Variants in CNTNAP2 observed in about 807,000 individuals in gnomAD.
CNTNAP2 encodes the protein contactin-associated protein-like 2.
In CNTNAP2, 98 loss-of-function variants were observed where a neutral mutation model predicts 155.2. That is an observed-to-expected ratio of 0.63 (90% confidence interval 0.54 to 0.75). The LOEUF (loss-of-function observed/expected upper bound fraction) is 0.75. Ranked by LOEUF, CNTNAP2 falls within the 30% of genes least tolerant of loss-of-function variation. The pLI is 0.00. For synonymous variants in CNTNAP2, 651 were observed against 631.2 expected (o/e 1.03, Z -0.47); for missense variants, 1,727 against 1,688.1 (o/e 1.02, Z -0.40).
At chr7:147,615,807 C>G (rs12667599) in intron 12 of CNTNAP2, among the ~76,000 whole-genome samples, 1 of 151,872 alleles carries the variant, frequency 6.6e-6, no homozygotes, top group African/African-American at 2.4e-5. Flanking sequence ...CCCATACTTT[C>G]GATAAATTCA....
chr7:148,362,301 A>G (rs1052664945), intron 21 of CNTNAP2, among the ~76,000 whole-genome samples: 4 of 152,156 alleles, frequency 2.6e-5, no homozygotes, highest in African/African-American at 4.8e-5. Flanking sequence ...ACGTCCCCCC[A>G]GGTCCCTCCC....
intron 1 of CNTNAP2, among the ~76,000 whole-genome samples, chr7:146,293,336 C>T (rs774107922): frequency 1.3e-5 from 2 of 152,008 alleles, no homozygotes; most frequent in Non-Finnish European, 2.9e-5. Context: ...AGTTTTAGAC[C>T]TGAAACAATT....
intron 21 of CNTNAP2, among the ~76,000 whole-genome samples, chr7:148,268,754 G>A (rs536860135): frequency 2.0e-5 from 3 of 152,140 alleles, no homozygotes; most frequent in Non-Finnish European, 2.9e-5. Flanking sequence ...TTCAATCTTC[G>A]TCACAATTGT....
intron 1 of CNTNAP2, among the ~76,000 whole-genome samples, chr7:146,715,379 A>G (rs1276945870): frequency 6.6e-6 from 1 of 152,140 alleles, no homozygotes; most frequent in African/African-American, 2.4e-5. Context: ...ATACTGTGAA[A>G]TACAGCAAGT....
At chr7:147,849,075 G>T (rs1157817988) in intron 13 of CNTNAP2, among the ~76,000 whole-genome samples, 4 of 152,098 alleles carry the variant, frequency 2.6e-5, no homozygotes, top group African/African-American at 9.7e-5. Flanking sequence ...TAGTAAATAT[G>T]ATTGATTTAA....
At chr7:147,886,931 T>C (rs1799609622) in intron 13 of CNTNAP2, among the ~76,000 whole-genome samples, 1 of 152,232 alleles carries the variant, frequency 6.6e-6, no homozygotes, top group Admixed American at 6.5e-5. Context: ...CCTACTAATG[T>C]CCTTTTATAG....
chr7:146,950,169 AATTAT>A (rs1584743231), intron 3 of CNTNAP2, among the ~76,000 whole-genome samples: 3 of 152,164 alleles, frequency 2.0e-5, no homozygotes, highest in Non-Finnish European at 1.5e-5. Context: ...TTTCTGAAAT[AATTAT>A]ATTATCTGAA....
At chr7:147,816,515 C>A (rs1394754927) in intron 13 of CNTNAP2, among the ~76,000 whole-genome samples, 3 of 151,988 alleles carry the variant, frequency 2.0e-5, no homozygotes, top group African/African-American at 7.3e-5. Flanking sequence ...ATTCTGGAAA[C>A]CTGGATCTTG....
intron 2 of CNTNAP2, among the ~76,000 whole-genome samples, chr7:146,809,528 A>C (rs935445815): frequency 2.6e-5 from 4 of 151,620 alleles, no homozygotes; most frequent in African/African-American, 9.7e-5. Context: ...CATCTGGCTG[A>C]TTTTTTTGTA....
intron 18 of CNTNAP2, among the ~76,000 whole-genome samples, chr7:148,192,848 T>C (rs1795222354): frequency 6.6e-6 from 1 of 152,208 alleles, no homozygotes. Flanking sequence ...TGACTTTATT[T>C]TTTTCCTATA....
At chr7:146,500,440 G>T (rs185739411) in intron 1 of CNTNAP2, among the ~76,000 whole-genome samples, 1 of 152,252 alleles carries the variant, frequency 6.6e-6, no homozygotes, top group South Asian at 2.1e-4. Context: ...AACTTAGTTG[G>T]GGGGAGGTAA....
chr7:146,254,255 T>C (rs1464042152), intron 1 of CNTNAP2, among the ~76,000 whole-genome samples: 1 of 152,204 alleles, frequency 6.6e-6, no homozygotes, highest in African/African-American at 2.4e-5. Flanking sequence ...TGGATTCTGC[T>C]ATTCTCTGGT....
At chr7:147,061,395 A>G (rs182504139) in intron 4 of CNTNAP2, among the ~76,000 whole-genome samples, 2 of 152,386 alleles carry the variant, frequency 1.3e-5, no homozygotes, top group East Asian at 3.9e-4. Context: ...CAATGTATAA[A>G]TTCAGATGCA....
chr7:147,795,220 G>A (rs1369792538), intron 13 of CNTNAP2, among the ~76,000 whole-genome samples: 5 of 151,212 alleles, frequency 3.3e-5, no homozygotes, highest in Admixed American at 2.0e-4. Context: ...AATCTATCTG[G>A]TTTCTTTGAA....
At chr7:146,549,934 G>T (rs935579057) in intron 1 of CNTNAP2, among the ~76,000 whole-genome samples, 1 of 152,028 alleles carries the variant, frequency 6.6e-6, no homozygotes, top group African/African-American at 2.4e-5. Context: ...TGACCTTAGT[G>T]TTGTGCTATT....
At chr7:147,611,350 C>G (rs1801180827) in intron 12 of CNTNAP2, among the ~76,000 whole-genome samples, 1 of 152,126 alleles carries the variant, frequency 6.6e-6, no homozygotes, top group Admixed American at 6.5e-5. Context: ...AGCAAATGCA[C>G]ATAAACCACA....
At chr7:147,259,309 C>T (rs975877132) in intron 8 of CNTNAP2, among the ~76,000 whole-genome samples, 1 of 152,114 alleles carries the variant, frequency 6.6e-6, no homozygotes, top group Admixed American at 6.6e-5. Flanking sequence ...TCTCTTTTTA[C>T]TTTTCCTCCA....
chr7:146,510,662 T>C (rs1797451961), intron 1 of CNTNAP2, among the ~76,000 whole-genome samples: 1 of 152,168 alleles, frequency 6.6e-6, no homozygotes, highest in African/African-American at 2.4e-5. Context: ...TCAATTTCTT[T>C]TGTCAGTATA....
At chr7:147,260,571 A>G (rs1414050245) in intron 8 of CNTNAP2, among the ~76,000 whole-genome samples, 1 of 152,194 alleles carries the variant, frequency 6.6e-6, no homozygotes, top group South Asian at 2.1e-4. Flanking sequence ...CCACACTATA[A>G]TATTTCAGAG....
Sources: allele counts gnomAD v4.1 joint callset (sites outside exome capture counted in the v4.1 genomes callset), GRCh38; gene constraint gnomAD v4.1.1; transcripts MANE v1.5; gene names NCBI Gene and HGNC (gene_info 2026-07-23, HGNC 2026-07-21).